Variants in RBFOX1 observed in about 807,000 individuals in gnomAD.
RBFOX1 encodes the protein RNA binding fox-1 homolog 1, also known as RNA binding protein fox-1 homolog 1.
Under a neutral mutation model 57.7 loss-of-function variants are expected in RBFOX1, and 8 were observed. The observed-to-expected ratio is 0.14, with a 90% CI of 0.08 to 0.25. The LOEUF (loss-of-function observed/expected upper bound fraction) is 0.25. RBFOX1 is among the 10% of genes least tolerant of loss of function. RBFOX1 has a pLI of 1.00. For missense variants in RBFOX1, 611 were observed against 548.5 expected (o/e 1.11, Z -1.14); for synonymous variants, 326 against 222.4 (o/e 1.47, Z -4.15).
chr16:7,358,176 A>T (rs1477244363), intron 4 of RBFOX1, among the ~76,000 whole-genome samples: 1 of 152,212 alleles, frequency 6.6e-6, no homozygotes, highest in African/African-American at 2.4e-5. Context: ...ATCCTATTGG[A>T]TATGCAGAAG....
intron 3 of RBFOX1, among the ~76,000 whole-genome samples, chr16:5,858,673 A>G (rs1369506981): frequency 6.6e-6 from 1 of 152,210 alleles, no homozygotes; most frequent in Non-Finnish European, 1.5e-5. Context: ...ATTAAGAGAA[A>G]CCTTGTGCGT....
intron 3 of RBFOX1, among the ~76,000 whole-genome samples, chr16:5,757,313 C>G (rs1256914836): frequency 6.7e-6 from 1 of 149,004 alleles, no homozygotes; most frequent in Non-Finnish European, 1.5e-5. Context: ...TTCACTGCAA[C>G]GCTTGCCTCC....
At chr16:6,436,856 G>A (rs567145894) in intron 2 of RBFOX1, among the ~76,000 whole-genome samples, 1 of 152,210 alleles carries the variant, frequency 6.6e-6, no homozygotes, top group East Asian at 1.9e-4. Context: ...ATTTCTTTAG[G>A]AAGTTTGTAG....
intron 2 of RBFOX1, among the ~76,000 whole-genome samples, chr16:6,544,486 T>G (rs1341663660): frequency 1.3e-5 from 2 of 152,206 alleles, no homozygotes; most frequent in African/African-American, 4.8e-5. Context: ...TTGTAGGATC[T>G]CATAGGAAAT....
chr16:6,306,488 A>G (rs1227436042), intron 1 of RBFOX1, among the ~76,000 whole-genome samples: 1 of 152,192 alleles, frequency 6.6e-6, no homozygotes, highest in Non-Finnish European at 1.5e-5. Flanking sequence ...TAAGAAGTCT[A>G]CTGATTTCTT....
chr16:7,364,237 A>G (rs187051046), intron 4 of RBFOX1, among the ~76,000 whole-genome samples: 46 of 152,274 alleles, frequency 3.0e-4, no homozygotes, highest in Non-Finnish European at 6.6e-4. Context: ...CGGCTTTCCC[A>G]TCTTCTAAGC....
chr16:5,827,596 A>G (rs1379475075), intron 3 of RBFOX1, among the ~76,000 whole-genome samples: 2 of 152,102 alleles, frequency 1.3e-5, no homozygotes, highest in African/African-American at 4.8e-5. Flanking sequence ...TTCTGTCTTA[A>G]CTACTCAACT....
At position 5,885,652 on chromosome 16, in the gene RBFOX1, G is replaced by A. The variant is rs186715474; in HGVS notation, c.351+18317G>A. 1.5e-3 allele frequency among the ~76,000 whole-genome samples: 235 copies of A among 152,214 alleles called. 1 individual carries two copies. Among genetic ancestry groups the A allele is most frequent in the Non-Finnish European group, 2.6e-3 (177 of 68,012 alleles). ...TTCTATGTTCTCTTTCAGAATTTCC[G>A]CTATGCTAATGTTGCCCAGGGAAAC... On this transcript the variant is annotated intron_variant, in intron 4 of 19. Transcript: ENST00000641259.
chr16:6,528,835 GC>G (rs1392544080), intron 2 of RBFOX1, among the ~76,000 whole-genome samples: 1 of 152,114 alleles, frequency 6.6e-6, no homozygotes, highest in African/African-American at 2.4e-5. Flanking sequence ...CCCATCCAAG[GC>G]CAGGTTGTGC....
intron 1 of RBFOX1, among the ~76,000 whole-genome samples, chr16:5,319,016 A>C (rs964761228): frequency 6.6e-6 from 1 of 152,124 alleles, no homozygotes; most frequent in Non-Finnish European, 1.5e-5. Context: ...AGTCCCAGCT[A>C]CTTGGGAGGC....
intron 4 of RBFOX1, among the ~76,000 whole-genome samples, chr16:7,110,529 A>T (rs993403789): frequency 6.6e-6 from 1 of 152,184 alleles, no homozygotes; most frequent in Non-Finnish European, 1.5e-5. Flanking sequence ...TGGTTATTTT[A>T]ACAATAAAAT....
At chr16:6,708,922 C>A (rs76370152) in intron 3 of RBFOX1, among the ~76,000 whole-genome samples, 8 of 83,434 alleles carry the variant, frequency 9.6e-5, no homozygotes, top group South Asian at 4.6e-4. Flanking sequence ...TCCCCAACAG[C>A]TTAAGCCAAC....
intron 2 of RBFOX1, among the ~76,000 whole-genome samples, chr16:6,374,141 G>C (rs1399141386): frequency 6.6e-6 from 1 of 152,188 alleles, no homozygotes; most frequent in Non-Finnish European, 1.5e-5. Context: ...ACTGAGTGTG[G>C]ACTTGATTCA....
rs2070385938 is a variant in RBFOX1 at position 7,668,884 on chromosome 16, GTC to G, written c.930+3921_930+3922del. On this transcript the variant is annotated intron_variant, in intron 13 of 15. Coordinates refer to ENST00000550418, the MANE Select transcript of RBFOX1 (RefSeq NM_018723.4). ...GGACTAAGGTTCTTAGATCTACAGA[GTC>G]TCTCATACTTGGAAGTGAAGCTATA... 2.0e-5 allele frequency among the ~76,000 whole-genome samples: 3 copies of G among 152,246 alleles called. No individual in the cohort carries two copies. The South Asian group carries it at 6.2e-4, about 32-fold the overall frequency.
chr16:6,202,051 C>G (rs948883508), intron 1 of RBFOX1, among the ~76,000 whole-genome samples: 1 of 152,058 alleles, frequency 6.6e-6, no homozygotes, highest in African/African-American at 2.4e-5. Flanking sequence ...TCATCATGTG[C>G]CCAACTGCAT....
At position 6,760,785 on chromosome 16, in the gene RBFOX1, C is replaced by T. The variant is rs1198735685; in HGVS notation, c.-16+106135C>T. On this transcript the variant is annotated intron_variant, in intron 3 of 15. Coordinates refer to ENST00000550418, the MANE Select transcript of RBFOX1 (RefSeq NM_018723.4). The stretch of plus-strand genomic sequence containing the variant: ...TGCAGAGATGAGCAGTCACGTATTT[C>T]ACACAGAGTAGGATCAGAGATTCCA... Among the ~76,000 whole-genome samples the T allele has an allele frequency of 3.9e-5, 6 of 152,172 alleles. No homozygotes were observed. The South Asian group carries it at 1.0e-3, about 26-fold the overall frequency.
chr16:5,260,539 G>C (rs1383547275), intron 1 of RBFOX1: 1 of 152,182 alleles, frequency 6.6e-6, no homozygotes, highest in Non-Finnish European at 1.5e-5. Flanking sequence ...GCAAAAATCA[G>C]TTTCTAGAAC....
intron 2 of RBFOX1, among the ~76,000 whole-genome samples, chr16:6,501,867 C>T (rs1352253650): frequency 2.6e-5 from 4 of 152,172 alleles, no homozygotes; most frequent in African/African-American, 4.8e-5. Context: ...GACGTGTCTT[C>T]CACTCTGGCT....
chr16:7,431,443 G>A (rs1343038843), intron 4 of RBFOX1: 6 of 151,062 alleles, frequency 4.0e-5, no homozygotes, highest in African/African-American at 1.5e-4. Flanking sequence ...TTCTTACTGT[G>A]TTGCCCAGAC....
Sources: gnomAD v4.1 joint callset for allele counts (sites outside exome capture counted in the v4.1 genomes callset) on GRCh38, gnomAD v4.1.1 for gene constraint, MANE v1.5 for transcripts, NCBI Gene and HGNC (gene_info 2026-07-23, HGNC 2026-07-21) for gene names.